EYS: variants seen among roughly 807,000 people sequenced by gnomAD.
The protein encoded by EYS is EGF-like photoreceptor maintenance factor.
Under a neutral mutation model 282.1 loss-of-function variants are expected in EYS, and 250 were observed. The observed-to-expected ratio is 0.89, with a 90% CI of 0.80 to 0.98. The LOEUF is 0.98. Among genes scored for constraint, EYS ranks in the 50% least tolerant of loss-of-function variants. The pLI is 0.00. For synonymous variants in EYS, 1,355 were observed against 1,282.9 expected, an observed-to-expected ratio of 1.06 and a Z score of -1.20; for missense variants, 4,016 against 3,709.0, an observed-to-expected ratio of 1.08 and a Z score of -2.15.
chr6:63,756,592 T>TG (rs1157614369), intron 41 of EYS, among the ~76,000 whole-genome samples: 50 of 152,174 alleles, frequency 3.3e-4, no homozygotes, highest in Admixed American at 6.5e-5. Flanking sequence ...ATTCTCTTTT[T>TG]TGTTGTGTCT....
chr6:64,168,244 G>T (rs1764358819), intron 31 of EYS, among the ~76,000 whole-genome samples: 1 of 149,704 alleles, frequency 6.7e-6, no homozygotes, highest in Non-Finnish European at 1.5e-5. Context: ...CTGGGCGACA[G>T]AGCGAAACTC....
chr6:63,817,278 G>GT (rs1307533602), intron 36 of EYS, among the ~76,000 whole-genome samples: 1 of 152,200 alleles, frequency 6.6e-6, no homozygotes, highest in Non-Finnish European at 1.5e-5. Context: ...ACAGGGGATG[G>GT]TGAGGCCACC....
chr6:63,979,077 C>T (rs1410075841), intron 35 of EYS, among the ~76,000 whole-genome samples: 2 of 151,888 alleles, frequency 1.3e-5, no homozygotes, highest in African/African-American at 4.8e-5. Context: ...TAGTCTAGCT[C>T]AATTAGTTGA....
intron 31 of EYS, among the ~76,000 whole-genome samples, chr6:64,131,111 C>T (rs183131483): frequency 6.8e-5 from 3 of 44,102 alleles, no homozygotes; most frequent in Non-Finnish European, 1.2e-4. Flanking sequence ...CGTGATCCTC[C>T]CCCCCTTGGC....
intron 12 of EYS, among the ~76,000 whole-genome samples, chr6:65,238,156 C>T (rs1484600652): frequency 6.6e-6 from 1 of 151,470 alleles, no homozygotes; most frequent in Non-Finnish European, 1.5e-5. Context: ...GTTTGCTATA[C>T]TTTTATTCAT....
At chr6:64,434,026 G>A (rs1375051387) in intron 28 of EYS, among the ~76,000 whole-genome samples, 1 of 151,996 alleles carries the variant, frequency 6.6e-6, no homozygotes, top group Non-Finnish European at 1.5e-5. Context: ...ACCTGAGAAT[G>A]TGACTATATT....
At chr6:65,285,037 T>C (rs1040175857) in intron 12 of EYS, among the ~76,000 whole-genome samples, 13 of 152,006 alleles carry the variant, frequency 8.6e-5, no homozygotes, top group Admixed American at 7.2e-4. Flanking sequence ...TATGTTTTTC[T>C]ATTAAAGGTC....
At chr6:64,397,831 T>A (rs1416077930) in intron 28 of EYS, among the ~76,000 whole-genome samples, 1 of 151,944 alleles carries the variant, frequency 6.6e-6, no homozygotes, top group Non-Finnish European at 1.5e-5. Flanking sequence ...GTTTCTAAGG[T>A]TTTTAATCTA....
intron 12 of EYS, among the ~76,000 whole-genome samples, chr6:65,175,596 C>T (rs1036863124): frequency 3.3e-5 from 5 of 151,324 alleles, no homozygotes; most frequent in Admixed American, 3.3e-4. Flanking sequence ...ATTCATAAAG[C>T]ATTTCTCACT....
intron 12 of EYS, among the ~76,000 whole-genome samples, chr6:65,107,504 T>C (rs34794780): frequency 0.29 from 43,148 of 151,296 alleles, 7,421 homozygotes; most frequent in African/African-American, 0.48. Context: ...CGATCTAACT[T>C]TTATGGTGTA....
chr6:65,680,384 C>CA lies in EYS; in HGVS notation c.-448+26750dup, dbSNP rs553124619. On this transcript the variant is annotated intron_variant, in intron 1 of 42. Transcript: ENST00000503581. Reference sequence around the variant, plus strand: ...TATTTGTTTTCAACCTCAGAAATAGCAAAAAAATTTAATTTTGAAAAGCAA... The same window carrying CA: ...TATTTGTTTTCAACCTCAGAAATAGCAAAAAAAATTTAATTTTGAAAAGCAA... Among the ~76,000 whole-genome samples, 320 of 151,740 alleles carry CA rather than the reference C, an allele frequency of 2.1e-3. 2 individuals carry two copies. Among genetic ancestry groups the CA allele is most frequent in the African/African-American group, 7.6e-3 (317 of 41,442 alleles).
chr6:65,641,847 T>C (rs1273224641), intron 1 of EYS, among the ~76,000 whole-genome samples: 1 of 152,196 alleles, frequency 6.6e-6, no homozygotes, highest in East Asian at 1.9e-4. Context: ...TTCTTTAAGT[T>C]AAAAAGCTTA....
At chr6:64,793,806 T>TG (rs1309223621) in intron 22 of EYS, among the ~76,000 whole-genome samples, 1 of 152,136 alleles carries the variant, frequency 6.6e-6, no homozygotes, top group East Asian at 1.9e-4. Context: ...ATCTGTTTTT[T>TG]TTTGTTTGTT....
chr6:64,476,278 T>C (rs1039045510), intron 26 of EYS, among the ~76,000 whole-genome samples: 1 of 152,158 alleles, frequency 6.6e-6, no homozygotes, highest in African/African-American at 2.4e-5. Context: ...TATTGCATGC[T>C]TCTATAGCAT....
intron 16 of EYS, among the ~76,000 whole-genome samples, chr6:64,908,625 G>C (rs373758648): frequency 6.6e-6 from 1 of 152,036 alleles, no homozygotes; most frequent in Non-Finnish European, 1.5e-5. Flanking sequence ...CAGAGGAGAG[G>C]GGAGCTGGAG....
At chr6:65,605,862 C>T (rs1765770185) in intron 2 of EYS, among the ~76,000 whole-genome samples, 1 of 151,592 alleles carries the variant, frequency 6.6e-6, no homozygotes, top group African/African-American at 2.4e-5. Flanking sequence ...GAATAAACGT[C>T]TGAAAATGTA....
At chr6:65,584,266 T>G (rs1393193936) in intron 2 of EYS, among the ~76,000 whole-genome samples, 1 of 152,094 alleles carries the variant, frequency 6.6e-6, no homozygotes, top group Non-Finnish European at 1.5e-5. Context: ...TTGGCAACAG[T>G]TGAAGACATT....
At chr6:63,991,681 G>C (rs1336068151) in intron 34 of EYS, among the ~76,000 whole-genome samples, 2 of 151,482 alleles carry the variant, frequency 1.3e-5, no homozygotes, top group African/African-American at 4.8e-5. Context: ...AGAAGAAAAA[G>C]CTTATTCATA....
intron 12 of EYS, among the ~76,000 whole-genome samples, chr6:65,182,391 T>G (rs554288112): frequency 6.6e-6 from 1 of 151,674 alleles, no homozygotes; most frequent in African/African-American, 2.4e-5. Flanking sequence ...AAAGTTTTGT[T>G]TTTTTAATTC....
Sources: allele counts gnomAD v4.1 joint callset (sites outside exome capture counted in the v4.1 genomes callset), GRCh38; gene constraint gnomAD v4.1.1; transcripts MANE v1.5; gene names NCBI Gene and HGNC (gene_info 2026-07-23, HGNC 2026-07-21).